Variants in WDR33 observed in about 807,000 individuals in gnomAD.
WDR33 encodes pre-mRNA 3' end processing protein WDR33.
WDR33 carries 47 observed loss-of-function variants against 164.9 expected under a neutral mutation model. The observed-to-expected ratio is 0.29, with a 90% CI of 0.23 to 0.36. WDR33 has a LOEUF of 0.36. Ranked by LOEUF, WDR33 falls within the 10% of genes least tolerant of loss-of-function variation. WDR33 has a pLI of 1.00. For synonymous variants in WDR33, 505 were observed against 589.0 expected (o/e 0.86, Z 2.06); for missense variants, 1,137 against 1,754.1 (o/e 0.65, Z 6.28).
At position 127,719,768 on chromosome 2, in the gene WDR33, G is replaced by T. The variant is rs529073603; in HGVS notation, c.2257C>A (p.Pro753Thr). 2 of 1,613,900 alleles carry T rather than the reference G, an allele frequency of 1.2e-6. No homozygotes were observed. Among genetic ancestry groups the T allele is most frequent in the African/African-American group, 2.7e-5 (2 of 75,048 alleles). ...CCGCCTTGGATCCCATGAGGATGAG[G>T]AGGCCCTTGCATTCCTCTGGGACCA... Reference protein sequence around the residue: ...PPGPRGMQGPPHPHGIQGGPG... With the variant: ...PPGPRGMQGPTHPHGIQGGPG... The change falls in exon 16 of 22, where the codon CCT becomes ACT. Residue 753 changes from proline to threonine, a missense_variant. Coordinates refer to ENST00000322313, the MANE Select transcript of WDR33 (RefSeq NM_018383.5). The surrounding 1 kb of genome is among the most constrained non-coding windows in gnomAD (Gnocchi z 6.5).
chr2:127,736,137 T>C (rs1393848081), intron 7 of WDR33: 1 of 985,326 alleles, frequency 1.0e-6, no homozygotes, highest in Non-Finnish European at 1.2e-6. Context: ...ATTACAAATC[T>C]GTGGGAGAAT....
Position 127,764,401 on chromosome 2 carries a change from T to G in WDR33, c.626+427A>C. On this transcript the variant is annotated intron_variant, in intron 6 of 21. Coordinates refer to ENST00000322313, the MANE Select transcript of WDR33 (RefSeq NM_018383.5). The surrounding 1 kb of genome is among the most constrained non-coding windows in gnomAD (Gnocchi z 6.2). ...TAACCAAGCCAACCAGGTCTTCACT[T>G]AAGCCTTTTTCCACTTTGTGTGAAT... The G allele has an allele frequency of 6.9e-7, 1 of 1,445,560 alleles. No individual in the cohort carries two copies. Among genetic ancestry groups the G allele is most frequent in the South Asian group, 1.6e-5 (1 of 62,566 alleles). The allele number at this position is 1,445,560 out of a possible 1,614,324, so 89.5% of individuals were successfully genotyped here. A position where few individuals can be genotyped will look rare whatever the true frequency, so the allele number is the denominator to read the frequency against.
At chr2:127,795,644 A>G (rs919804776) in intron 1 of WDR33, among the ~76,000 whole-genome samples, 1 of 148,860 alleles carries the variant, frequency 6.7e-6, no homozygotes, top group African/African-American at 2.5e-5. Flanking sequence ...AACATGGCAA[A>G]ACCTCCTTTC....
At chr2:127,744,048 T>C (rs1687101821) in intron 7 of WDR33, among the ~76,000 whole-genome samples, 1 of 152,216 alleles carries the variant, frequency 6.6e-6, no homozygotes, top group African/African-American at 2.4e-5. Context: ...TGCTTATTAT[T>C]AGTGATTTTT....
rs1349688035 is a variant in WDR33, at chr2:127,713,813, G to A, written c.3078C>T (p.Gly1026=). 6.2e-7 allele frequency: 1 copy of A among 1,614,282 alleles called. No individual in the cohort carries two copies. Among genetic ancestry groups the A allele is most frequent in the Admixed American group, 1.7e-5 (1 of 60,034 alleles). Residue 1026 remains glycine, a synonymous_variant, in exon 18 of 22, where the codon GGC becomes GGT. Transcript: ENST00000322313. The surrounding 1 kb of genome is among the most constrained non-coding windows in gnomAD (Gnocchi z 6.2). ...PDDFHPDKRF[G]HRLREFEGRG... ...GCCCCTCAAATTCACGTAACCGGTGGCCAAAGCGCTTGTCAGGGTGGAAGT... is the reference window on the plus strand; with the variant it reads ...GCCCCTCAAATTCACGTAACCGGTGACCAAAGCGCTTGTCAGGGTGGAAGT...
In WDR33 at chr2:127,726,876, G is replaced by C. The variant is rs935613539; in HGVS notation, c.725-99C>G. 6 of 1,483,836 alleles carry C rather than the reference G, an allele frequency of 4.0e-6. No homozygotes were observed. The African/African-American group carries it at 8.4e-5, about 21-fold the overall frequency. 91.9% of individuals were successfully genotyped at this position (1,483,836 alleles called of 1,614,324 possible). A position where few individuals can be genotyped will look rare whatever the true frequency, so the allele number is the denominator to read the frequency against. On this transcript the variant is annotated intron_variant, in intron 7 of 21. Transcript: ENST00000322313. The surrounding 1 kb of genome is among the most constrained non-coding windows in gnomAD (Gnocchi z 4.8). ...ACCTAGTAAATGTTTTGCTCTCAGTGCTCAGTCAACTTAAAACTTGTTTTG... is the reference window on the plus strand; with the variant it reads ...ACCTAGTAAATGTTTTGCTCTCAGTCCTCAGTCAACTTAAAACTTGTTTTG...
intron 1 of WDR33, among the ~76,000 whole-genome samples, chr2:127,794,217 C>G (rs184380018): frequency 6.6e-6 from 1 of 151,786 alleles, no homozygotes; most frequent in African/African-American, 2.4e-5. Flanking sequence ...GAAAGAAAGC[C>G]GGCCAGGCAC....
chr2:127,723,079 T>C lies in WDR33; in HGVS notation c.1292-35A>G. On this transcript the variant is annotated intron_variant, in intron 12 of 21. Transcript: ENST00000322313. This position sits in a 1 kb window ranked among gnomAD's most constrained non-coding sequence, Gnocchi z 5.9. ...GTAATACACCATTGTCAATAGAGAA[T>C]TTACAAAAGTAGCGACTGATAAAAT... The C allele has an allele frequency of 2.6e-6, 4 of 1,553,926 alleles. No individual in the cohort carries two copies. The highest frequency in any genetic ancestry group is 3.5e-6 in the Non-Finnish European group (4 of 1,145,990).
At chr2:127,798,649 T>G (rs1000994573) in intron 1 of WDR33, among the ~76,000 whole-genome samples, 1 of 152,044 alleles carries the variant, frequency 6.6e-6, no homozygotes, top group Non-Finnish European at 1.5e-5. Context: ...TTTAATTACC[T>G]TATGACACAT....
At position 127,712,376 on chromosome 2, in the gene WDR33, C is replaced by A. The variant is rs1686203330; in HGVS notation, c.3308+1207G>T. On this transcript the variant is annotated intron_variant, in intron 18 of 21. Transcript: ENST00000322313. This position sits in a 1 kb window ranked among gnomAD's most constrained non-coding sequence, Gnocchi z 4.0. ...GTGCCACTGCACTCCAGCCTGGCAACAGAGCAAGACTCCGTCTCAAGAAGA... is the reference window on the plus strand; with the variant it reads ...GTGCCACTGCACTCCAGCCTGGCAAAAGAGCAAGACTCCGTCTCAAGAAGA... Among the ~76,000 whole-genome samples, 1 of 146,576 alleles carries A rather than the reference C, an allele frequency of 6.8e-6. No homozygotes were observed. The highest frequency in any genetic ancestry group is 2.5e-5 in the African/African-American group (1 of 39,348).
Position 127,712,068 on chromosome 2 carries a change from G to A in WDR33, c.3308+1515C>T, listed in dbSNP as rs932845094. Among the ~76,000 whole-genome samples, 1 of 151,694 alleles carries A rather than the reference G, an allele frequency of 6.6e-6. No individual in the cohort carries two copies. On this transcript the variant is annotated intron_variant, in intron 18 of 21. Coordinates refer to ENST00000322313, the MANE Select transcript of WDR33 (RefSeq NM_018383.5). This position sits in a 1 kb window ranked among gnomAD's most constrained non-coding sequence, Gnocchi z 4.0. Reference sequence around the variant, plus strand: ...ATTACAAGCGTGAGCCACTGTGCCCGGCCTTAACCATCTATTCACAAGAAG... The same window carrying A: ...ATTACAAGCGTGAGCCACTGTGCCCAGCCTTAACCATCTATTCACAAGAAG...
Position 127,701,876 on chromosome 2 carries a change from G to C in WDR33, c.*4447C>G, listed in dbSNP as rs1397564801. 2 of 1,456,936 alleles carry C rather than the reference G, an allele frequency of 1.4e-6. No homozygotes were observed. Among genetic ancestry groups the C allele is most frequent in the Admixed American group, 2.5e-5 (1 of 39,858 alleles). The allele number at this position is 1,456,936 out of a possible 1,614,324, so 90.3% of individuals were successfully genotyped here. ...TCGCGCTGCTCTGGTCACTGGGCTCGGCGCTGGCGTTGGCGGGAAGCGCGC... is the reference window on the plus strand; with the variant it reads ...TCGCGCTGCTCTGGTCACTGGGCTCCGCGCTGGCGTTGGCGGGAAGCGCGC... On this transcript the variant is annotated 3_prime_UTR_variant, in exon 22 of 22. Coordinates refer to ENST00000322313, the MANE Select transcript of WDR33 (RefSeq NM_018383.5).
Position 127,738,050 on chromosome 2 carries a change from T to C in WDR33, c.725-11273A>G, listed in dbSNP as rs745844381. The C allele has an allele frequency of 1.6e-5, 25 of 1,612,722 alleles. No homozygotes were observed. The highest frequency in any genetic ancestry group is 2.0e-5 in the Non-Finnish European group (24 of 1,179,460). On this transcript the variant is annotated intron_variant, in intron 7 of 21. Transcript: ENST00000322313. The surrounding 1 kb of genome is among the most constrained non-coding windows in gnomAD (Gnocchi z 4.4). ...AGTAACAACGGCAGTGATGAAAACA[T>C]GTATCTATCAAAACAAGAAGGGTGC...
intron 5 of WDR33, 77 bp downstream of exon 5, chr2:127,765,097 A>G (rs1353591220): frequency 6.4e-7 from 1 of 1,555,578 alleles, no homozygotes; most frequent in Non-Finnish European, 8.8e-7. Flanking sequence ...TAAGTTTAAC[A>G]ATGCCAATGA....
rs1686104918 is a variant in WDR33, at chr2:127,709,629, A to T, written c.3473-47T>A. ...GCTGCACTCAGACTGTTCCTGGTGT[A>T]TTCACAACCAGTGTATTCTGCACCC... is the stretch of plus-strand genomic sequence containing the variant. On this transcript the variant is annotated intron_variant, in intron 19 of 21. Transcript: ENST00000322313. The surrounding 1 kb of genome is among the most constrained non-coding windows in gnomAD (Gnocchi z 5.0). 2 of 1,612,880 alleles carry T rather than the reference A, an allele frequency of 1.2e-6. No homozygotes were observed. Among genetic ancestry groups the T allele is most frequent in the South Asian group, 2.2e-5 (2 of 91,078 alleles).
intron 1 of WDR33, among the ~76,000 whole-genome samples, chr2:127,783,599 C>T (rs1309281522): frequency 2.4e-5 from 2 of 84,414 alleles, no homozygotes; most frequent in Non-Finnish European, 4.4e-5. Context: ...TTCAGGACTC[C>T]TTTTTTTTTT....
At chr2:127,792,983 G>A (rs1286256804) in intron 1 of WDR33, among the ~76,000 whole-genome samples, 1 of 152,090 alleles carries the variant, frequency 6.6e-6, no homozygotes, top group Non-Finnish European at 1.5e-5. Context: ...ACCACAGATT[G>A]CCTCTGGGAA....
intron 1 of WDR33, among the ~76,000 whole-genome samples, chr2:127,774,862 G>T (rs1688138783): frequency 6.6e-6 from 1 of 152,046 alleles, no homozygotes; most frequent in East Asian, 1.9e-4. Context: ...TATGCTAAGT[G>T]AAAGAAGTCA....
At chr2:127,794,602 G>A (rs1475002444) in intron 1 of WDR33, among the ~76,000 whole-genome samples, 3 of 151,882 alleles carry the variant, frequency 2.0e-5, no homozygotes, top group Non-Finnish European at 4.4e-5. Context: ...GGAAGCCAAG[G>A]AGGGCAGATC....
Sources: allele counts gnomAD v4.1 joint callset (sites outside exome capture counted in the v4.1 genomes callset), GRCh38; gene constraint gnomAD v4.1.1; non-coding constraint Gnocchi (gnomAD v3.1); transcripts MANE v1.5; gene names NCBI Gene and HGNC (gene_info 2026-07-23, HGNC 2026-07-21).